ACSM2B: variants seen among roughly 807,000 people sequenced by gnomAD.
The protein encoded by ACSM2B is acyl-coenzyme A synthetase ACSM2B, mitochondrial.
ACSM2B carries 58 observed loss-of-function variants against 78.6 expected under a neutral mutation model. The observed-to-expected ratio is 0.74, with a 90% CI of 0.60 to 0.92. ACSM2B has a LOEUF of 0.92. Ranked by LOEUF, ACSM2B falls within the 40% of genes least tolerant of loss-of-function variation. The probability of loss-of-function intolerance (pLI) is 0.00; values close to 1 mark genes in which losing one functional copy is unlikely to be tolerated. For missense variants in ACSM2B, 688 were observed against 711.2 expected (o/e 0.97, Z 0.37); for synonymous variants, 257 against 256.8 (o/e 1.00, Z -0.01).
chr16:20,573,417 G>A (rs996728662), intron 1 of ACSM2B, among the ~76,000 whole-genome samples: 2 of 150,100 alleles, frequency 1.3e-5, no homozygotes, highest in South Asian at 4.2e-4. Flanking sequence ...TCAGACAAAG[G>A]TGGAAAGGCT....
intron 5 of ACSM2B, 137 bp downstream of exon 5, chr16:20,553,640 C>G: frequency 7.3e-7 from 1 of 1,375,932 alleles, no homozygotes; most frequent in Non-Finnish European, 9.8e-7. Flanking sequence ...AAGCCATGTC[C>G]TCTTTAGCTT....
intron 1 of ACSM2B, among the ~76,000 whole-genome samples, chr16:20,565,725 C>A (rs1220587709): frequency 2.6e-5 from 4 of 151,790 alleles, no homozygotes; most frequent in Non-Finnish European, 4.4e-5. Flanking sequence ...TGTTGTGCAC[C>A]CATCACTCGA....
At chr16:20,557,426 A>C (rs954461947) in intron 3 of ACSM2B, among the ~76,000 whole-genome samples, 1 of 143,734 alleles carries the variant, frequency 7.0e-6, no homozygotes, top group African/African-American at 2.4e-5. Flanking sequence ...TGCCTGTTAA[A>C]TCCACTTATC....
chr16:20,561,417 G>A (rs1894128755), intron 2 of ACSM2B, among the ~76,000 whole-genome samples: 1 of 151,180 alleles, frequency 6.6e-6, no homozygotes, highest in African/African-American at 2.4e-5. Context: ...GGCAAAAGCA[G>A]GAACAAGAGA....
At chr16:20,566,838 T>C (rs1287389705) in intron 1 of ACSM2B, among the ~76,000 whole-genome samples, 4 of 118,924 alleles carry the variant, frequency 3.4e-5, no homozygotes, top group African/African-American at 1.3e-4. Flanking sequence ...TTTATATATA[T>C]ACTATATATA....
chr16:20,555,178 C>T, intron 4 of ACSM2B, 91 bp downstream of exon 4: 1 of 1,583,730 alleles, frequency 6.3e-7, no homozygotes, highest in Non-Finnish European at 8.6e-7. Flanking sequence ...GCTGTTCTTC[C>T]TGCAACTCCT....
intron 1 of ACSM2B, chr16:20,574,471 G>A (rs902149967): frequency 1.4e-4 from 21 of 151,944 alleles, no homozygotes; most frequent in African/African-American, 3.1e-4. Context: ...AATTGGGAAC[G>A]TGATAAATGT....
intron 5 of ACSM2B, 119 bp downstream of exon 5, chr16:20,553,658 G>T (rs112182527): frequency 1.7e-5 from 25 of 1,469,300 alleles, no homozygotes; most frequent in Non-Finnish European, 2.1e-5. Flanking sequence ...CTTTCCTTCT[G>T]AATTTTCTTT....
At chr16:20,574,363 G>A (rs1461310003) in intron 1 of ACSM2B, 1 of 152,014 alleles carries the variant, frequency 6.6e-6, no homozygotes, top group Non-Finnish European at 1.5e-5. Context: ...ATCCATTTGT[G>A]CAATAGTAGT....
Position 20,554,264 on chromosome 16 carries a change from C to T in ACSM2B, c.597-344G>A, listed in dbSNP as rs1429189000. The T allele has an allele frequency of 1.2e-4, 53 of 444,888 alleles. No homozygotes were observed. The Admixed American group carries it at 1.6e-3, about 14-fold the overall frequency. 27.6% of individuals were successfully genotyped at this position (444,888 alleles called of 1,614,324 possible). A position where few individuals can be genotyped will look rare whatever the true frequency, so the allele number is the denominator to read the frequency against. ...AAATGAGCAACTTGCTTAGCAAGAGCTCAATAAATGCTAATCTAATTGTTG... is the reference window on the plus strand; with the variant it reads ...AAATGAGCAACTTGCTTAGCAAGAGTTCAATAAATGCTAATCTAATTGTTG... On this transcript the variant is annotated intron_variant, in intron 4 of 13. Transcript: ENST00000329697.
intron 2 of ACSM2B, among the ~76,000 whole-genome samples, chr16:20,562,513 G>C (rs12927345): frequency 3.3e-5 from 5 of 152,084 alleles, no homozygotes; most frequent in African/African-American, 1.2e-4. Context: ...TTGCTCATTC[G>C]TGGACATAGA....
At chr16:20,566,233 G>T (rs1477792952) in intron 1 of ACSM2B, among the ~76,000 whole-genome samples, 19 of 108,696 alleles carry the variant, frequency 1.7e-4, no homozygotes, top group Non-Finnish European at 2.7e-4. Flanking sequence ...ATACCATACT[G>T]CCTTCATGGA....
intron 6 of ACSM2B, among the ~76,000 whole-genome samples, chr16:20,551,879 C>A (rs1199899726): frequency 1.3e-5 from 2 of 152,154 alleles, no homozygotes; most frequent in Non-Finnish European, 2.9e-5. Context: ...AGTGGAAGAG[C>A]CCATTACATT....
rs1567218300 is a variant in ACSM2B, at chr16:20,566,689, C to CTA, written c.-8-1838_-8-1837dup. Among the ~76,000 whole-genome samples the CTA allele has an allele frequency of 1.7e-3, 7 of 4,206 alleles. 1 individual carries two copies. In the East Asian group the frequency reaches 0.045, roughly 27 times the overall value. 2.8% of individuals were successfully genotyped at this position (4,206 alleles called of 152,430 possible). A position where few individuals can be genotyped will look rare whatever the true frequency, so the allele number is the denominator to read the frequency against. ...ATATAGTATATACATATAGTATATA[C>CTA]TATATATAGTATATATATAGTATAT... On this transcript the variant is annotated intron_variant, in intron 1 of 13. Transcript: ENST00000329697.
intron 6 of ACSM2B, 76 bp from the exon 7 acceptor site, chr16:20,548,549 T>C (rs2015213253): frequency 6.2e-7 from 1 of 1,608,722 alleles, no homozygotes; most frequent in Non-Finnish European, 8.5e-7. Context: ...GTGGTTACAA[T>C]TGTGAGCTAT....
chr16:20,561,652 T>A (rs1177081579), intron 2 of ACSM2B, among the ~76,000 whole-genome samples: 1 of 151,984 alleles, frequency 6.6e-6, no homozygotes, highest in African/African-American at 2.4e-5. Flanking sequence ...CCAATTCTCA[T>A]GTCCTTCTCA....
intron 1 of ACSM2B, among the ~76,000 whole-genome samples, chr16:20,566,725 C>CAG (rs1567218548): frequency 1.8e-4 from 4 of 22,208 alleles, no homozygotes; most frequent in East Asian, 3.6e-3. Context: ...ATAGTATATA[C>CAG]TATATATAGT....
rs761141010 is a variant in ACSM2B at position 20,555,396 on chromosome 16, T to C, written c.469A>G (p.Ile157Val). The C allele has an allele frequency of 4.3e-6, 7 of 1,613,888 alleles. No homozygotes were observed. Among genetic ancestry groups the C allele is most frequent in the Non-Finnish European group, 5.9e-6 (7 of 1,179,822 alleles). ...TGGATGACTTCATCCCCAGCAACAA[T>C]AGCCTTGGCCTTAGACATCTGCAAC... ...YRLQMSKAKA[I>V]VAGDEVIQEV... The change falls in exon 4 of 14, where the codon ATT becomes GTT. Residue 157 changes from isoleucine to valine, a missense_variant. Coordinates refer to ENST00000329697, the MANE Select transcript of ACSM2B (RefSeq NM_001105069.2).
intron 1 of ACSM2B, among the ~76,000 whole-genome samples, chr16:20,565,827 T>C (rs2015808981): frequency 6.6e-6 from 1 of 151,804 alleles, no homozygotes; most frequent in African/African-American, 2.4e-5. Context: ...TCCCGTCATT[T>C]CCCCCAACTC....
Sources: allele counts gnomAD v4.1 joint callset (sites outside exome capture counted in the v4.1 genomes callset), GRCh38; gene constraint gnomAD v4.1.1; transcripts MANE v1.5; gene names NCBI Gene and HGNC (gene_info 2026-07-23, HGNC 2026-07-21).